The following RAB3C variants were observed in gnomAD, a reference collection of about 807,000 sequenced individuals.
RAB3C encodes the protein RAB3C, member RAS oncogene family.
Under a neutral mutation model 26.4 loss-of-function variants are expected in RAB3C, and 17 were observed. The observed-to-expected ratio is 0.64, with a 90% CI of 0.44 to 0.97. The LOEUF (loss-of-function observed/expected upper bound fraction) is 0.97. Ranked by LOEUF, RAB3C falls within the 50% of genes least tolerant of loss-of-function variation. The probability of loss-of-function intolerance (pLI) is 0.00; values close to 1 mark genes in which losing one functional copy is unlikely to be tolerated. For missense variants in RAB3C, 242 were observed against 281.9 expected (o/e 0.86, Z 1.01); for synonymous variants, 91 against 95.9 (o/e 0.95, Z 0.30).
intron 2 of RAB3C, among the ~76,000 whole-genome samples, chr5:58,657,996 T>C (rs1027843758): frequency 1.3e-5 from 2 of 152,038 alleles, no homozygotes; most frequent in Admixed American, 6.6e-5. Context: ...TATCTCAGAG[T>C]GATGATAGCT....
In RAB3C at chr5:58,857,747, G is replaced by A. The variant is rs1022237233; in HGVS notation, c.*6396G>A. ...CTGGTGATATAAGAGGAACAAATCA[G>A]AATCATTAAATACTTTGTAATGCCA... On this transcript the variant is annotated 3_prime_UTR_variant, in exon 5 of 5. Coordinates refer to ENST00000282878, the MANE Select transcript of RAB3C (RefSeq NM_138453.4). The A allele has an allele frequency of 1.3e-5, 2 of 152,142 alleles. No homozygotes were observed. Among genetic ancestry groups the A allele is most frequent in the Admixed American group, 1.3e-4 (2 of 15,274 alleles). 9.4% of individuals were successfully genotyped at this position (152,142 alleles called of 1,614,324 possible).
chr5:58,689,673 T>C (rs959441207), intron 2 of RAB3C, among the ~76,000 whole-genome samples: 2 of 152,038 alleles, frequency 1.3e-5, no homozygotes, highest in African/African-American at 4.8e-5. Flanking sequence ...TCCAAAATTA[T>C]TTCTTAAAGA....
intron 3 of RAB3C, among the ~76,000 whole-genome samples, chr5:58,740,492 T>C (rs1330686307): frequency 1.3e-5 from 2 of 152,198 alleles, no homozygotes; most frequent in Non-Finnish European, 2.9e-5. Flanking sequence ...ATAACTGTTA[T>C]GTCAACTTGT....
chr5:58,839,990 A>G (rs1292827579), intron 4 of RAB3C, among the ~76,000 whole-genome samples: 1 of 150,874 alleles, frequency 6.6e-6, no homozygotes, highest in Non-Finnish European at 1.5e-5. Flanking sequence ...GAATTTCACT[A>G]TTAATCTAAT....
chr5:58,670,225 C>A (rs1028684626), intron 2 of RAB3C, among the ~76,000 whole-genome samples: 24 of 152,238 alleles, frequency 1.6e-4, no homozygotes, highest in East Asian at 3.9e-4. Flanking sequence ...CTGATGCCTT[C>A]ATGGACCCTC....
chr5:58,668,781 T>TA (rs1190322371), intron 2 of RAB3C, among the ~76,000 whole-genome samples: 58 of 152,148 alleles, frequency 3.8e-4, no homozygotes, highest in African/African-American at 1.3e-3. Flanking sequence ...TCCTACGTCT[T>TA]AATTTCTAGT....
At chr5:58,691,184 A>G (rs1000574732) in intron 2 of RAB3C, among the ~76,000 whole-genome samples, 1 of 152,124 alleles carries the variant, frequency 6.6e-6, no homozygotes, top group East Asian at 1.9e-4. Flanking sequence ...CTACATCAGA[A>G]TTTCCCATAG....
chr5:58,716,245 A>G (rs943596540), intron 2 of RAB3C, among the ~76,000 whole-genome samples: 3 of 152,102 alleles, frequency 2.0e-5, no homozygotes, highest in Non-Finnish European at 4.4e-5. Context: ...TTAGCACTGG[A>G]CACAGCTACA....
intron 2 of RAB3C, among the ~76,000 whole-genome samples, chr5:58,707,807 C>CT (rs1333345644): frequency 6.6e-6 from 1 of 152,130 alleles, no homozygotes; most frequent in Non-Finnish European, 1.5e-5. Flanking sequence ...TCTCCTAAAA[C>CT]TTCCCTGAAA....
chr5:58,606,247 C>A (rs1048540889), intron 1 of RAB3C, among the ~76,000 whole-genome samples: 4 of 152,246 alleles, frequency 2.6e-5, no homozygotes, highest in African/African-American at 9.6e-5. Context: ...GAAATTCTCT[C>A]CTGTGTGTGG....
intron 2 of RAB3C, among the ~76,000 whole-genome samples, chr5:58,684,519 T>C (rs1223303623): frequency 6.6e-6 from 1 of 152,152 alleles, no homozygotes; most frequent in Non-Finnish European, 1.5e-5. Context: ...AGGAAGTGTA[T>C]AGTGTCTTTT....
intron 3 of RAB3C, among the ~76,000 whole-genome samples, chr5:58,749,299 A>C (rs1185645323): frequency 1.3e-5 from 2 of 152,210 alleles, no homozygotes; most frequent in Non-Finnish European, 2.9e-5. Context: ...GATTTTTAAA[A>C]AAATTTCAAT....
At chr5:58,695,348 A>G (rs1748675387) in intron 2 of RAB3C, among the ~76,000 whole-genome samples, 1 of 152,138 alleles carries the variant, frequency 6.6e-6, no homozygotes, top group Admixed American at 6.5e-5. Flanking sequence ...ATTTGAAGTC[A>G]GGTAGCGTGA....
chr5:58,805,288 T>C (rs899361264), intron 3 of RAB3C, among the ~76,000 whole-genome samples: 3 of 152,152 alleles, frequency 2.0e-5, no homozygotes, highest in Admixed American at 2.0e-4. Context: ...AAATGGGCAG[T>C]ATAGATACCA....
Position 58,588,304 on chromosome 5 carries a change from C to G in RAB3C, c.24+5072C>G, listed in dbSNP as rs527323204. ...CAAATCTTTTGCCAAAGTGGGAGGA[C>G]CGGCAATTCTCACCAGCAATGTATG... On this transcript the variant is annotated intron_variant, in intron 1 of 4. Transcript: ENST00000282878. 5.3e-5 allele frequency among the ~76,000 whole-genome samples: 8 copies of G among 152,188 alleles called. No individual in the cohort carries two copies. The South Asian group carries it at 1.7e-3, about 32-fold the overall frequency.
chr5:58,719,164 T>C (rs78453540), intron 2 of RAB3C, among the ~76,000 whole-genome samples: 375 of 152,140 alleles, frequency 2.5e-3, no homozygotes, highest in African/African-American at 7.3e-3. Flanking sequence ...CAACAGAAAC[T>C]AATATATATT....
intron 2 of RAB3C, among the ~76,000 whole-genome samples, chr5:58,643,826 T>C (rs1747462680): frequency 6.6e-6 from 1 of 152,234 alleles, no homozygotes; most frequent in South Asian, 2.1e-4. Flanking sequence ...GTTTTAGTTT[T>C]AGTTTTTGTT....
At chr5:58,763,343 C>A (rs13157385) in intron 3 of RAB3C, among the ~76,000 whole-genome samples, 24,521 of 152,126 alleles carry the variant, frequency 0.16, 2,030 homozygotes, top group South Asian at 0.19. Flanking sequence ...TGCTTCATGT[C>A]TGCTGATAAA....
Position 58,614,489 on chromosome 5 carries a change from A to C in RAB3C, c.25-3154A>C, listed in dbSNP as rs536125216. Reference sequence around the variant, plus strand: ...AAATTAGGAAATAGTACAAAAAAAAACCCATGAACAGTCTTCAAGAGTAAG... The same window carrying C: ...AAATTAGGAAATAGTACAAAAAAAACCCCATGAACAGTCTTCAAGAGTAAG... On this transcript the variant is annotated intron_variant, in intron 1 of 4. Transcript: ENST00000282878. Among the ~76,000 whole-genome samples, 121 of 152,052 alleles carry C rather than the reference A, an allele frequency of 8.0e-4. 1 individual carries two copies. The East Asian group carries it at 0.012, about 15-fold the overall frequency.
Sources: allele counts gnomAD v4.1 joint callset (sites outside exome capture counted in the v4.1 genomes callset), GRCh38; gene constraint gnomAD v4.1.1; transcripts MANE v1.5; gene names NCBI Gene and HGNC (gene_info 2026-07-23, HGNC 2026-07-21).